TMX4: variants seen among roughly 807,000 people sequenced by gnomAD.
The protein encoded by TMX4 is thioredoxin related transmembrane protein 4.
TMX4 carries 23 observed loss-of-function variants against 33.3 expected under a neutral mutation model. That is an observed-to-expected ratio of 0.69 (90% CI 0.50 to 0.98). The LOEUF (loss-of-function observed/expected upper bound fraction) is 0.98. TMX4 is among the 50% of genes least tolerant of loss of function. The pLI, the probability that TMX4 is intolerant of heterozygous loss-of-function variation, is 0.00. For missense variants in TMX4, 399 were observed against 448.9 expected (o/e 0.89, Z 1.01); for synonymous variants, 164 against 161.5 (o/e 1.02, Z -0.12).
intron 7 of TMX4, 61 bp from the exon 8 acceptor site, chr20:7,982,682 G>C (rs1446135605): frequency 2.7e-6 from 4 of 1,507,710 alleles, no homozygotes; most frequent in African/African-American, 1.4e-5. Flanking sequence ...GTAATCAATT[G>C]AGTGTGTTTA....
intron 6 of TMX4, among the ~76,000 whole-genome samples, chr20:7,987,045 T>C (rs1247846837): frequency 6.6e-6 from 1 of 151,254 alleles, no homozygotes; most frequent in Admixed American, 6.6e-5. Context: ...TTAATTACTG[T>C]CTATAGGCAG....
At chr20:8,018,481 G>GGAGAGAGAGAGAGAGAGA (rs1156723197) in intron 1 of TMX4, among the ~76,000 whole-genome samples, 1 of 13,710 alleles carries the variant, frequency 7.3e-5, no homozygotes, top group Non-Finnish European at 1.2e-4. Context: ...GGAGGGAGGG[G>GGAGAGAGAGAGAGAGAGA]GAGAGAGAGA....
At chr20:7,992,184 T>A (rs16994302) in intron 5 of TMX4, among the ~76,000 whole-genome samples, 1,658 of 152,322 alleles carry the variant, frequency 0.011, 12 homozygotes, top group Admixed American at 0.017. Flanking sequence ...TACTATAATA[T>A]AAAATCAAAA....
At chr20:7,997,914 C>T (rs1447416067) in intron 4 of TMX4, among the ~76,000 whole-genome samples, 2 of 152,108 alleles carry the variant, frequency 1.3e-5, no homozygotes, top group African/African-American at 4.8e-5. Flanking sequence ...TAGCACCATC[C>T]ACTTGGTGCT....
At chr20:7,998,861 T>C (rs2050689002) in intron 4 of TMX4, among the ~76,000 whole-genome samples, 1 of 152,190 alleles carries the variant, frequency 6.6e-6, no homozygotes, top group African/African-American at 2.4e-5. Flanking sequence ...CCCAGAGCTA[T>C]CCCATCTTTG....
chr20:7,996,592 C>T (rs1352583117), intron 4 of TMX4, among the ~76,000 whole-genome samples: 1 of 152,126 alleles, frequency 6.6e-6, no homozygotes, highest in Admixed American at 6.6e-5. Flanking sequence ...AGCCTGGTGT[C>T]CACCTGCATC....
intron 5 of TMX4, among the ~76,000 whole-genome samples, chr20:7,991,966 A>G (rs539813690): frequency 3.3e-5 from 5 of 152,214 alleles, no homozygotes; most frequent in Non-Finnish European, 7.3e-5. Context: ...AAGACTGGAC[A>G]GTCTCTCTCC....
chr20:8,011,022 G>C (rs919616382), intron 1 of TMX4, among the ~76,000 whole-genome samples: 1 of 152,074 alleles, frequency 6.6e-6, no homozygotes, highest in African/African-American at 2.4e-5. Flanking sequence ...GTACAATCCA[G>C]AAATGAACAG....
chr20:7,984,388 T>A (rs1568533105), intron 6 of TMX4, among the ~76,000 whole-genome samples: 1 of 152,114 alleles, frequency 6.6e-6, no homozygotes, highest in Non-Finnish European at 1.5e-5. Context: ...ATGGGGGTCT[T>A]GGATCCAGAG....
At chr20:7,993,897 T>C (rs1030318273) in intron 5 of TMX4, among the ~76,000 whole-genome samples, 1 of 152,178 alleles carries the variant, frequency 6.6e-6, no homozygotes, top group Non-Finnish European at 1.5e-5. Flanking sequence ...ACAAATGTTT[T>C]AGTGATCCCA....
At chr20:8,009,776 A>G (rs558408150) in intron 2 of TMX4, among the ~76,000 whole-genome samples, 16 of 151,304 alleles carry the variant, frequency 1.1e-4, no homozygotes, top group Admixed American at 1.1e-3. Flanking sequence ...AAAATGAGGG[A>G]TAATTGTTGA....
At chr20:7,992,798 GCTGATCTTCTAGATATATCT>G (rs2050660601) in intron 5 of TMX4, among the ~76,000 whole-genome samples, 1 of 152,126 alleles carries the variant, frequency 6.6e-6, no homozygotes, top group African/African-American at 2.4e-5. Context: ...TTCAGTAGGC[GCTGATCTTCTAGATATATCT>G]CTGATCTTCT....
Position 7,980,898 on chromosome 20 carries a change from A to C in TMX4, c.*1353T>G, listed in dbSNP as rs1336981914. The C allele has an allele frequency of 6.6e-6, 1 of 152,236 alleles. No individual in the cohort carries two copies. Among genetic ancestry groups the C allele is most frequent in the African/African-American group, 2.4e-5 (1 of 41,456 alleles). The allele number at this position is 152,236 out of a possible 1,614,324, so 9.4% of individuals were successfully genotyped here. A position where few individuals can be genotyped will look rare whatever the true frequency, so the allele number is the denominator to read the frequency against. On this transcript the variant is annotated 3_prime_UTR_variant, in exon 8 of 8. Coordinates refer to ENST00000246024, the MANE Select transcript of TMX4 (RefSeq NM_021156.4). ...TACTGCACGTTCCTTTTTAAAGACG[A>C]CAGAAACTTTTAGAATTTCATAAAC...
chr20:7,989,750 G>A (rs1440116147), intron 5 of TMX4, among the ~76,000 whole-genome samples: 1 of 152,142 alleles, frequency 6.6e-6, no homozygotes, highest in Non-Finnish European at 1.5e-5. Flanking sequence ...CCATGTCCTT[G>A]AAGTTTTGCT....
intron 5 of TMX4, among the ~76,000 whole-genome samples, chr20:7,995,265 A>T (rs1384239617): frequency 1.3e-5 from 2 of 152,128 alleles, no homozygotes; most frequent in African/African-American, 4.8e-5. Flanking sequence ...CGCTTCTAAG[A>T]CTTTTTGAAA....
rs143241492 is a variant in TMX4 at position 7,996,764 on chromosome 20, T to C, written c.468-693A>G. ...CTTCTCTCTCTCTCCTAGAACAGTCTCACTGGCATATGAACATGCTCTACT... is the reference window on the plus strand; with the variant it reads ...CTTCTCTCTCTCTCCTAGAACAGTCCCACTGGCATATGAACATGCTCTACT... On this transcript the variant is annotated intron_variant, in intron 4 of 7. Coordinates refer to ENST00000246024, the MANE Select transcript of TMX4 (RefSeq NM_021156.4). Among the ~76,000 whole-genome samples, 26 of 152,258 alleles carry C rather than the reference T, an allele frequency of 1.7e-4. No homozygotes were observed. In the East Asian group the frequency reaches 4.8e-3, roughly 28 times the overall value.
At position 8,019,603 on chromosome 20, in the gene TMX4, C is replaced by T; in HGVS notation, c.11G>A (p.Gly4Glu). 1.5e-6 allele frequency: 2 copies of T among 1,349,946 alleles called. No individual in the cohort carries two copies. Among genetic ancestry groups the T allele is most frequent in the East Asian group, 6.2e-5 (2 of 32,086 alleles). The allele number at this position is 1,349,946 out of a possible 1,614,324, so 83.6% of individuals were successfully genotyped here. Residue 4 changes from glycine (G) to glutamate (E), a missense_variant, in exon 1 of 8, where the codon GGG (glycine) becomes GAG (glutamate). By Grantham distance (98) the Gly-to-Glu change is moderately conservative (BLOSUM62 -2). Transcript: ENST00000246024. MAG[G>E]RCGPQLTALL... is the part of the protein sequence containing the mutation. ...CGCCGTTAGCTGCGGGCCGCAGCGCCCACCCGCCATGTTGGGCGCCGAGCG... is the reference window on the plus strand; with the variant it reads ...CGCCGTTAGCTGCGGGCCGCAGCGCTCACCCGCCATGTTGGGCGCCGAGCG...
At chr20:8,001,341 C>T (rs985383894) in intron 3 of TMX4, among the ~76,000 whole-genome samples, 155 bp downstream of exon 3, 1 of 152,180 alleles carries the variant, frequency 6.6e-6, no homozygotes, top group Admixed American at 6.5e-5. Flanking sequence ...TCCAGGAAAG[C>T]TTCTCTTGTC....
chr20:8,015,745 G>T (rs1364060231), intron 1 of TMX4, among the ~76,000 whole-genome samples: 1 of 152,150 alleles, frequency 6.6e-6, no homozygotes, highest in Admixed American at 6.5e-5. Context: ...AGGTATAAAG[G>T]AAGGCTGGAA....
Sources: gnomAD v4.1 joint callset for allele counts (sites outside exome capture counted in the v4.1 genomes callset) on GRCh38, gnomAD v4.1.1 for gene constraint, MANE v1.5 for transcripts, NCBI Gene and HGNC (gene_info 2026-07-23, HGNC 2026-07-21) for gene names.